The following DST variants were observed in gnomAD, a reference collection of about 807,000 sequenced individuals.
The protein encoded by DST is bullous pemphigoid antigen.
A neutral mutation model predicts 875.2 loss-of-function variants in DST; 253 were observed. The observed-to-expected ratio is 0.29, with a 90% CI of 0.26 to 0.32. The LOEUF (loss-of-function observed/expected upper bound fraction) is 0.32, where lower values mean the gene tolerates loss of function less well. Ranked by LOEUF, DST falls within the 10% of genes least tolerant of loss-of-function variation. The pLI is 1.00. For missense variants in DST, 8,287 were observed against 9,111.6 expected (o/e 0.91, Z 3.68); for synonymous variants, 3,124 against 3,197.1 (o/e 0.98, Z 0.77).
At chr6:56,894,976 G>T (rs556304689) in intron 3 of DST, among the ~76,000 whole-genome samples, 1 of 102,342 alleles carries the variant, frequency 9.8e-6, no homozygotes, top group Non-Finnish European at 1.9e-5. Context: ...CTGGCCAGGC[G>T]GGGGGCTGAC....
chr6:56,550,022 A>C (rs2097294234), intron 61 of DST, among the ~76,000 whole-genome samples: 1 of 152,190 alleles, frequency 6.6e-6, no homozygotes. Context: ...ATGACTGTTA[A>C]CAGGATTAAA....
rs2094163721 is a variant in DST, at chr6:56,458,234, G to A, written c.*771C>T. ...CTGGGGAAAAAAAATTAATTCCATA[G>A]CAATGCAGTTAAGGGACGTGTTTTA... On this transcript the variant is annotated 3_prime_UTR_variant, in exon 104 of 104. Coordinates refer to ENST00000680361, the MANE Select transcript of DST (RefSeq NM_001374736.1). 6.6e-6 allele frequency: 1 copy of A among 152,542 alleles called. No homozygotes were observed. The highest frequency in any genetic ancestry group is 1.5e-5 in the Non-Finnish European group (1 of 68,028). The allele number at this position is 152,542 out of a possible 1,614,324, so 9.4% of individuals were successfully genotyped here.
chr6:56,569,508 A>C (rs1167419571), intron 54 of DST, among the ~76,000 whole-genome samples: 3 of 152,148 alleles, frequency 2.0e-5, no homozygotes, highest in Admixed American at 2.0e-4. Context: ...TACAAGCTAG[A>C]GTAAAATGCT....
chr6:56,825,050 A>C (rs374488910), intron 4 of DST, among the ~76,000 whole-genome samples: 3 of 152,344 alleles, frequency 2.0e-5, no homozygotes, highest in Admixed American at 6.5e-5. Context: ...GTTTTGTGGA[A>C]TAGAAAGGGC....
chr6:56,531,712 C>T (rs940710161), intron 64 of DST, among the ~76,000 whole-genome samples: 5 of 152,142 alleles, frequency 3.3e-5, no homozygotes, highest in Admixed American at 3.3e-4. Context: ...TAGTCAATGG[C>T]GGCATCAATG....
intron 36 of DST, chr6:56,619,785 G>T (rs145081689): frequency 6.8e-6 from 11 of 1,613,976 alleles, no homozygotes; most frequent in Non-Finnish European, 9.3e-6. Context: ...AGGCATCTGA[G>T]TGTATTATTT....
chr6:56,644,861 G>A (rs1241510033), intron 15 of DST, among the ~76,000 whole-genome samples: 1 of 152,142 alleles, frequency 6.6e-6, no homozygotes, highest in Non-Finnish European at 1.5e-5. Context: ...ATCTTGAATT[G>A]TAATAATCCT....
chr6:56,635,526 A>G, intron 24 of DST, 63 bp downstream of exon 24: 2 of 1,537,890 alleles, frequency 1.3e-6, no homozygotes, highest in East Asian at 2.3e-5. Flanking sequence ...AGTTCTGCTC[A>G]TATAAAACAC....
chr6:56,472,779 A>C (rs1322594115), intron 93 of DST, among the ~76,000 whole-genome samples: 1 of 152,196 alleles, frequency 6.6e-6, no homozygotes, highest in East Asian at 1.9e-4. Flanking sequence ...CTGAGATTGC[A>C]TGTTTCCTGT....
intron 5 of DST, among the ~76,000 whole-genome samples, chr6:56,720,173 C>T (rs535228169): frequency 1.3e-5 from 2 of 152,288 alleles, no homozygotes; most frequent in East Asian, 3.9e-4. Flanking sequence ...TAGAGACCCA[C>T]CCTCAGGGTC....
At chr6:56,599,846 A>G (rs1462781585) in intron 45 of DST, among the ~76,000 whole-genome samples, 1 of 152,006 alleles carries the variant, frequency 6.6e-6, no homozygotes, top group African/African-American at 2.4e-5. Flanking sequence ...CCTCCACTCA[A>G]TATCTCTTAC....
chr6:56,945,803 T>A (rs1177544529), intron 2 of DST: 1 of 149,550 alleles, frequency 6.7e-6, no homozygotes, highest in Non-Finnish European at 1.5e-5. Flanking sequence ...TGCACAAGGA[T>A]GAAACACTGA....
intron 36 of DST, chr6:56,619,802 T>C (rs755692858): frequency 2.5e-6 from 4 of 1,614,202 alleles, no homozygotes; most frequent in Non-Finnish European, 3.4e-6. Context: ...ATTTGTTTCA[T>C]CTAGTTTATC....
intron 4 of DST, among the ~76,000 whole-genome samples, chr6:56,802,126 T>C (rs1267343505): frequency 1.3e-5 from 2 of 152,244 alleles, no homozygotes; most frequent in Non-Finnish European, 2.9e-5. Context: ...TTCTATTTTT[T>C]GTTTTTTCAT....
rs1326530195 is a variant in DST at position 56,604,188 on chromosome 6, A to G, written c.10440T>C (p.Ile3480=). Residue 3480 remains isoleucine, a synonymous_variant, in exon 40 of 104, where the codon ATT becomes ATC. Transcript: ENST00000680361. The part of the protein sequence containing the change: ...HMEYDLEKRG[I]TSKVLPLQLE... ...GCTGCAGTGGAAGTACTTTAGACGT[A>G]ATGCCTCTTTTCTCTAGGTCATACT... 8 of 1,602,632 alleles carry G rather than the reference A, an allele frequency of 5.0e-6. No homozygotes were observed. Among genetic ancestry groups the G allele is most frequent in the Non-Finnish European group, 6.0e-6 (7 of 1,173,590 alleles).
intron 3 of DST, among the ~76,000 whole-genome samples, chr6:56,897,036 G>A (rs1045168401): frequency 6.6e-6 from 1 of 152,102 alleles, no homozygotes; most frequent in African/African-American, 2.4e-5. Flanking sequence ...TGAAATCTTT[G>A]CCTAAGCCAA....
At chr6:56,812,554 A>G (rs2099761683) in intron 4 of DST, among the ~76,000 whole-genome samples, 4 of 152,248 alleles carry the variant, frequency 2.6e-5, no homozygotes, top group Admixed American at 2.6e-4. Flanking sequence ...TTACTTGCCA[A>G]TAAAACAGCT....
chr6:56,616,489 C>T lies in DST; in HGVS notation c.4930-2005G>A, dbSNP rs372742748. On this transcript the variant is annotated intron_variant, in intron 36 of 103. Coordinates refer to ENST00000680361, the MANE Select transcript of DST (RefSeq NM_001374736.1). ...TCTTGACATTGAGATTGGAAATGTTCCTCTCCCCAAATGGAAACAGAAAGC... is the reference window on the plus strand; with the variant it reads ...TCTTGACATTGAGATTGGAAATGTTTCTCTCCCCAAATGGAAACAGAAAGC... The T allele has an allele frequency of 3.1e-6, 5 of 1,613,912 alleles. No individual in the cohort carries two copies. In the African/African-American group the frequency reaches 5.3e-5, roughly 17 times the overall value.
chr6:56,809,856 T>C (rs2099757761), intron 4 of DST, among the ~76,000 whole-genome samples: 1 of 152,222 alleles, frequency 6.6e-6, no homozygotes, highest in South Asian at 2.1e-4. Context: ...AGAAATTATA[T>C]GAACAACTTA....
Sources: allele counts gnomAD v4.1 joint callset (sites outside exome capture counted in the v4.1 genomes callset), GRCh38; gene constraint gnomAD v4.1.1; transcripts MANE v1.5; gene names NCBI Gene and HGNC (gene_info 2026-07-23, HGNC 2026-07-21).